The following ADAMTSL1 variants were observed in gnomAD, a reference collection of about 807,000 sequenced individuals.
ADAMTSL1 encodes ADAMTS-like protein 1.
Under a neutral mutation model 201.8 loss-of-function variants are expected in ADAMTSL1, and 126 were observed. That is an observed-to-expected ratio of 0.62 (90% CI 0.54 to 0.72). ADAMTSL1 has a LOEUF of 0.72. ADAMTSL1 is among the 30% of genes least tolerant of loss of function. The probability of loss-of-function intolerance (pLI) is 0.00; values close to 1 mark genes in which losing one functional copy is unlikely to be tolerated. For synonymous variants in ADAMTSL1, 1,121 were observed against 903.4 expected (o/e 1.24, Z -4.32); for missense variants, 2,679 against 2,277.8 (o/e 1.18, Z -3.59).
chr9:18,547,928 G>A (rs1820572523), intron 3 of ADAMTSL1, among the ~76,000 whole-genome samples: 1 of 151,714 alleles, frequency 6.6e-6, no homozygotes, highest in African/African-American at 2.4e-5. Flanking sequence ...AAAACAAACA[G>A]CTTTTCACTA....
chr9:18,160,599 T>A (rs1170339194), intron 1 of ADAMTSL1, among the ~76,000 whole-genome samples: 1 of 151,970 alleles, frequency 6.6e-6, no homozygotes, highest in Non-Finnish European at 1.5e-5. Context: ...AAAGTAACCA[T>A]GTTTTCCAGT....
chr9:18,035,948 A>T (rs775149402), intron 1 of ADAMTSL1, among the ~76,000 whole-genome samples: 3 of 152,138 alleles, frequency 2.0e-5, no homozygotes, highest in African/African-American at 2.4e-5. Context: ...AAACAAATAG[A>T]TTTGGTCCTT....
At chr9:18,459,924 T>C (rs1259588537) in intron 2 of ADAMTSL1, among the ~76,000 whole-genome samples, 1 of 151,988 alleles carries the variant, frequency 6.6e-6, no homozygotes, top group African/African-American at 2.4e-5. Context: ...GGGAGGAAGG[T>C]AGGCTGCAGG....
intron 1 of ADAMTSL1, among the ~76,000 whole-genome samples, chr9:17,975,839 T>C (rs1359397976): frequency 6.6e-6 from 1 of 152,100 alleles, no homozygotes; most frequent in African/African-American, 2.4e-5. Flanking sequence ...TTCTTCTTGG[T>C]GTTTTATGAT....
At chr9:18,166,037 C>A (rs1215619361) in intron 2 of ADAMTSL1, among the ~76,000 whole-genome samples, 1 of 151,814 alleles carries the variant, frequency 6.6e-6, no homozygotes, top group Non-Finnish European at 1.5e-5. Flanking sequence ...GTATAGGTCA[C>A]AAGAATCACT....
chr9:18,587,019 C>A (rs1034690776), intron 4 of ADAMTSL1, among the ~76,000 whole-genome samples: 3 of 151,932 alleles, frequency 2.0e-5, no homozygotes, highest in Non-Finnish European at 4.4e-5. Flanking sequence ...GTAGGCAATA[C>A]CATTCTGGAC....
At chr9:18,581,947 C>T (rs1392878165) in intron 4 of ADAMTSL1, among the ~76,000 whole-genome samples, 2 of 152,196 alleles carry the variant, frequency 1.3e-5, no homozygotes, top group Admixed American at 1.3e-4. Flanking sequence ...TCACTTTGTC[C>T]CATCTCTGAG....
intron 2 of ADAMTSL1, among the ~76,000 whole-genome samples, chr9:18,452,354 T>C (rs928489668): frequency 1.3e-5 from 2 of 152,244 alleles, no homozygotes; most frequent in African/African-American, 4.8e-5. Flanking sequence ...GCACTGGGGC[T>C]GACTTTCCAA....
chr9:18,217,409 T>C (rs1267647265), intron 2 of ADAMTSL1, among the ~76,000 whole-genome samples: 1 of 152,062 alleles, frequency 6.6e-6, no homozygotes, highest in Admixed American at 6.6e-5. Flanking sequence ...AGAAGTAGCA[T>C]TACCCCTCCC....
chr9:17,911,010 A>G lies in ADAMTSL1; in HGVS notation c.87+4088A>G, dbSNP rs147897078. ...TAGCTATAGTGAAAGGAGACTGTGC[A>G]GTCAAGAGCTTTTGCTACCCAAATG... On this transcript the variant is annotated intron_variant, in intron 1 of 29. Transcript: ENST00000680146. Among the ~76,000 whole-genome samples the G allele has an allele frequency of 2.2e-4, 15 of 68,968 alleles. 6 individuals are homozygous for G. The East Asian group carries it at 0.026, about 119-fold the overall frequency. 45.2% of individuals were successfully genotyped at this position (68,968 alleles called of 152,430 possible).
chr9:18,721,574 A>G lies in ADAMTSL1; in HGVS notation c.1915A>G (p.Thr639Ala). The change falls in exon 15 of 29, where the codon ACT (threonine) becomes GCT (alanine). Residue 639 changes from threonine to alanine, a missense_variant. By Grantham distance (58) the Thr-to-Ala change is moderately conservative. Transcript: ENST00000380548. ...EAVVSCLNKQ[T>A]REPAEENLCV... ...TGTGGTGAGCTGCTTGAACAAACAGACTCGGGAGCCTGCTGAGGAGAACCT... is the reference window on the plus strand; with the variant it reads ...TGTGGTGAGCTGCTTGAACAAACAGGCTCGGGAGCCTGCTGAGGAGAACCT... 6 of 1,613,798 alleles carry G rather than the reference A, an allele frequency of 3.7e-6. No homozygotes were observed. Among genetic ancestry groups the G allele is most frequent in the Non-Finnish European group, 5.1e-6 (6 of 1,179,838 alleles).
chr9:18,826,486 C>T, intron 22 of ADAMTSL1, 23 bp downstream of exon 22: 1 of 1,601,992 alleles, frequency 6.2e-7, no homozygotes, highest in Non-Finnish European at 8.5e-7. Context: ...AAGCTGGCTG[C>T]CTCTGCTGCA....
chr9:18,494,836 A>G (rs138448990), intron 1 of ADAMTSL1, among the ~76,000 whole-genome samples: 110 of 152,312 alleles, frequency 7.2e-4, no homozygotes, highest in African/African-American at 2.5e-3. Flanking sequence ...CCTGGCATTT[A>G]TTAACACTAC....
chr9:18,145,724 A>G (rs1826610539), intron 1 of ADAMTSL1, among the ~76,000 whole-genome samples: 1 of 152,202 alleles, frequency 6.6e-6, no homozygotes, highest in East Asian at 1.9e-4. Flanking sequence ...TACCAAAAGC[A>G]TGATCCATGA....
intron 1 of ADAMTSL1, among the ~76,000 whole-genome samples, chr9:18,144,750 AGAGTG>A (rs1210228605): frequency 6.6e-6 from 1 of 152,170 alleles, no homozygotes; most frequent in African/African-American, 2.4e-5. Context: ...TAGGAATGAC[AGAGTG>A]GCCCAAAGTC....
intron 2 of ADAMTSL1, among the ~76,000 whole-genome samples, chr9:18,262,011 C>T (rs555119915): frequency 6.6e-6 from 1 of 152,188 alleles, no homozygotes; most frequent in South Asian, 2.1e-4. Flanking sequence ...CATGCAATTA[C>T]AATATGTATG....
chr9:18,058,941 C>T (rs1041073182), intron 1 of ADAMTSL1, among the ~76,000 whole-genome samples: 2 of 152,196 alleles, frequency 1.3e-5, no homozygotes, highest in African/African-American at 4.8e-5. Context: ...TTGGAAATTT[C>T]ATGGATATTC....
intron 2 of ADAMTSL1, among the ~76,000 whole-genome samples, chr9:18,187,499 G>A (rs1001442636): frequency 2.0e-5 from 3 of 152,026 alleles, no homozygotes; most frequent in African/African-American, 7.2e-5. Context: ...GCACAGTAAT[G>A]TGTATAATGT....
Position 18,721,620 on chromosome 9 carries a change from C to T in ADAMTSL1, c.1961C>T (p.Pro654Leu), listed in dbSNP as rs749548786. 1.7e-5 allele frequency: 28 copies of T among 1,613,946 alleles called. No individual in the cohort carries two copies. The South Asian group carries it at 2.0e-4, about 11-fold the overall frequency. ...EENLCVTSRRPPQLLKSCNLD... is the reference protein window; with the variant it reads ...EENLCVTSRRLPQLLKSCNLD... ...AACCTGTGCGTGACCAGCCGCCGGC[C>T]CCCACAGCTCCTGAAGTCCTGCAAT... The change falls in exon 15 of 29, where the codon CCC (proline) becomes CTC (leucine). Residue 654 changes from proline (P) to leucine (L), a missense_variant. Physicochemically the swap from Pro to Leu is moderately conservative, Grantham distance 98. Transcript: ENST00000380548.
Sources: allele counts gnomAD v4.1 joint callset (sites outside exome capture counted in the v4.1 genomes callset), GRCh38; gene constraint gnomAD v4.1.1; transcripts MANE v1.5; gene names NCBI Gene and HGNC (gene_info 2026-07-23, HGNC 2026-07-21).